ABCA1: variants seen among roughly 807,000 people sequenced by gnomAD.
ABCA1 encodes the protein ATP binding cassette subfamily A member 1, also known as phospholipid-transporting ATPase ABCA1.
A neutral mutation model predicts 262.5 loss-of-function variants in ABCA1; 133 were observed. That is an observed-to-expected ratio of 0.51 (90% CI 0.44 to 0.59). ABCA1 has a LOEUF of 0.59. Among genes scored for constraint, ABCA1 ranks in the 20% least tolerant of loss-of-function variants. The pLI, the probability that ABCA1 is intolerant of heterozygous loss-of-function variation, is 0.00. For synonymous variants in ABCA1, 1,022 were observed against 1,043.5 expected, an observed-to-expected ratio of 0.98 and a Z score of 0.40; for missense variants, 2,452 against 2,777.5, an observed-to-expected ratio of 0.88 and a Z score of 2.63.
At chr9:104,913,028 A>G (rs1841595570) in intron 1 of ABCA1, among the ~76,000 whole-genome samples, 1 of 152,176 alleles carries the variant, frequency 6.6e-6, no homozygotes, top group Non-Finnish European at 1.5e-5. Context: ...TTTGGGATAA[A>G]TGGTTTAGTG....
chr9:104,896,711 CTTTTTTTTTTTTTTTT>C lies in ABCA1; in HGVS notation c.66+6887_66+6902del, dbSNP rs56710442. On this transcript the variant is annotated intron_variant, in intron 2 of 49. Transcript: ENST00000374736. ...AACTCCAAAATTGCTCCCTACACAT[CTTTTTTTTTTTTTTTT>C]TTTTTTTTTTTTTTTTTTTTTCAGA... Among the ~76,000 whole-genome samples, 72 of 37,002 alleles carry C rather than the reference CTTTTTTTTTTTTTTTT, an allele frequency of 1.9e-3. 2 individuals carry two copies. In the East Asian group the frequency reaches 0.035, roughly 18 times the overall value. The allele number at this position is 37,002 out of a possible 152,430, so 24.3% of individuals were successfully genotyped here.
At chr9:104,820,188 A>T (rs970825683) in intron 20 of ABCA1, 119 bp from the exon 21 acceptor site, 1 of 1,287,544 alleles carries the variant, frequency 7.8e-7, no homozygotes, top group Middle Eastern at 2.1e-4. Context: ...TTTTAAAATA[A>T]CTTTATCAAT....
In ABCA1 at chr9:104,875,480, C is replaced by T. The variant is rs568774339; in HGVS notation, c.421+7559G>A. Among the ~76,000 whole-genome samples the T allele has an allele frequency of 3.9e-4, 59 of 152,228 alleles. No individual in the cohort carries two copies. The South Asian group carries it at 0.01, about 27-fold the overall frequency. On this transcript the variant is annotated intron_variant, in intron 5 of 49. Coordinates refer to ENST00000374736, the MANE Select transcript of ABCA1 (RefSeq NM_005502.4). Reference sequence around the variant, plus strand: ...GGGAGAGAGAAACTCCATACTCAGTCGGGATGGCAGGCTGCTGCCCCGGAT... The same window carrying T: ...GGGAGAGAGAAACTCCATACTCAGTTGGGATGGCAGGCTGCTGCCCCGGAT...
At chr9:104,871,364 A>G (rs571196375) in intron 5 of ABCA1, among the ~76,000 whole-genome samples, 46 of 152,282 alleles carry the variant, frequency 3.0e-4, no homozygotes, top group African/African-American at 1.1e-3. Context: ...GACAATACCC[A>G]TGTCTTACTG....
chr9:104,927,222 A>AG (rs1491576540), intron 1 of ABCA1, among the ~76,000 whole-genome samples: 2 of 104,446 alleles, frequency 1.9e-5, no homozygotes, highest in Non-Finnish European at 4.2e-5. Flanking sequence ...GAAAAAAAAG[A>AG]AAAAGAAAAG....
At chr9:104,790,318 T>A (rs560642387) in intron 44 of ABCA1, among the ~76,000 whole-genome samples, 2 of 152,236 alleles carry the variant, frequency 1.3e-5, no homozygotes, top group African/African-American at 4.8e-5. Context: ...AAAAGATGTA[T>A]ACAGGGACAT....
intron 7 of ABCA1, among the ~76,000 whole-genome samples, chr9:104,852,478 T>C (rs1157298051): frequency 6.6e-6 from 1 of 152,240 alleles, no homozygotes; most frequent in Non-Finnish European, 1.5e-5. Flanking sequence ...CATAGTTAAA[T>C]ACATCTACTA....
intron 6 of ABCA1, among the ~76,000 whole-genome samples, chr9:104,861,094 G>A (rs1033292383): frequency 6.6e-6 from 1 of 152,078 alleles, no homozygotes; most frequent in African/African-American, 2.4e-5. Context: ...TGTGACACTA[G>A]TCCGTTCATT....
chr9:104,815,132 T>C (rs1831628828), intron 25 of ABCA1, among the ~76,000 whole-genome samples: 2 of 152,240 alleles, frequency 1.3e-5, no homozygotes, highest in South Asian at 4.1e-4. Flanking sequence ...GCTAGTACTA[T>C]GATAAGTTAT....
intron 8 of ABCA1, among the ~76,000 whole-genome samples, chr9:104,844,891 G>A (rs1228767179): frequency 6.6e-6 from 1 of 152,202 alleles, no homozygotes; most frequent in Non-Finnish European, 1.5e-5. Flanking sequence ...TTTTGCAAGT[G>A]CCTACAGGCC....
intron 1 of ABCA1, among the ~76,000 whole-genome samples, chr9:104,921,568 T>G (rs1842141199): frequency 6.6e-6 from 1 of 152,204 alleles, no homozygotes; most frequent in Non-Finnish European, 1.5e-5. Context: ...TAACCTGGCC[T>G]AAATAACTTA....
At chr9:104,849,639 CAT>C (rs1317341262) in intron 7 of ABCA1, among the ~76,000 whole-genome samples, 7 of 152,198 alleles carry the variant, frequency 4.6e-5, no homozygotes, top group Admixed American at 1.3e-4. Flanking sequence ...ACAAAACACA[CAT>C]GATTCAAATT....
intron 1 of ABCA1, among the ~76,000 whole-genome samples, chr9:104,911,858 G>A (rs1841517579): frequency 6.6e-6 from 1 of 152,160 alleles, no homozygotes; most frequent in Non-Finnish European, 1.5e-5. Context: ...AAAAGTCAAG[G>A]ATGAAATGAA....
intron 5 of ABCA1, among the ~76,000 whole-genome samples, chr9:104,874,569 C>CAAAACA (rs1309040013): frequency 7.9e-5 from 12 of 151,932 alleles, no homozygotes; most frequent in African/African-American, 2.9e-4. Flanking sequence ...GACTCCGTCT[C>CAAAACA]AAAACAAAAA....
At chr9:104,866,757 G>C (rs1837130876) in intron 5 of ABCA1, among the ~76,000 whole-genome samples, 1 of 152,154 alleles carries the variant, frequency 6.6e-6, no homozygotes, top group African/African-American at 2.4e-5. Context: ...CAAAGTGCTA[G>C]GATTAGAGGC....
intron 1 of ABCA1, chr9:104,927,673 C>T (rs1185181139): frequency 6.6e-6 from 1 of 152,310 alleles, no homozygotes; most frequent in Non-Finnish European, 1.5e-5. Flanking sequence ...GGTACTGCGC[C>T]CGGGTCTCCA....
intron 1 of ABCA1, among the ~76,000 whole-genome samples, chr9:104,921,891 T>C (rs1394581970): frequency 6.6e-6 from 1 of 152,156 alleles, no homozygotes; most frequent in Non-Finnish European, 1.5e-5. Flanking sequence ...CAGAATTAAA[T>C]ACATGATACA....
At chr9:104,925,670 T>C (rs1047359205) in intron 1 of ABCA1, among the ~76,000 whole-genome samples, 3 of 152,170 alleles carry the variant, frequency 2.0e-5, no homozygotes, top group African/African-American at 4.8e-5. Flanking sequence ...TTCCCTAGCA[T>C]TAATTATTTT....
intron 1 of ABCA1, among the ~76,000 whole-genome samples, chr9:104,916,714 C>CT (rs1418171450): frequency 6.6e-6 from 1 of 152,188 alleles, no homozygotes; most frequent in East Asian, 1.9e-4. Flanking sequence ...GAGTTTCGCT[C>CT]TGTCACCCAG....
Sources: gnomAD v4.1 joint callset for allele counts (sites outside exome capture counted in the v4.1 genomes callset) on GRCh38, gnomAD v4.1.1 for gene constraint, MANE v1.5 for transcripts, NCBI Gene and HGNC (gene_info 2026-07-23, HGNC 2026-07-21) for gene names.